Variants in AGK observed in about 807,000 individuals in gnomAD.
AGK encodes acylglycerol kinase, mitochondrial.
Under a neutral mutation model 66.4 loss-of-function variants are expected in AGK, and 52 were observed. That is an observed-to-expected ratio of 0.78 (90% CI 0.63 to 0.99). AGK has a LOEUF of 0.99. AGK is among the 50% of genes least tolerant of loss of function. The pLI is 0.00. For missense variants in AGK, 451 were observed against 506.6 expected (o/e 0.89, Z 1.05); for synonymous variants, 182 against 181.1 (o/e 1.00, Z -0.04).
intron 6 of AGK, 96 bp from the exon 7 acceptor site, chr7:141,614,050 G>A: frequency 3.5e-6 from 3 of 864,696 alleles, no homozygotes; most frequent in Non-Finnish European, 3.7e-6. Context: ...GAAGAAAACA[G>A]GAGTAAGTTT....
intron 9 of AGK, among the ~76,000 whole-genome samples, chr7:141,630,096 A>G (rs2116990718): frequency 6.6e-6 from 1 of 150,554 alleles, no homozygotes; most frequent in South Asian, 2.1e-4. Flanking sequence ...GGAATCTTCT[A>G]TCATCATCAT....
intron 9 of AGK, among the ~76,000 whole-genome samples, chr7:141,623,226 A>G (rs1005781099): frequency 2.6e-5 from 4 of 152,058 alleles, no homozygotes; most frequent in African/African-American, 9.7e-5. Context: ...CTAAAAATAC[A>G]AAATTAGCTG....
intron 10 of AGK, among the ~76,000 whole-genome samples, chr7:141,635,993 A>G (rs1012069979): frequency 1.3e-4 from 20 of 152,208 alleles, no homozygotes; most frequent in African/African-American, 4.8e-4. Context: ...GAGAGCAGTT[A>G]ATGTTGAGTG....
chr7:141,637,214 T>G (rs556883327), intron 11 of AGK, among the ~76,000 whole-genome samples, 197 bp downstream of exon 11: 2 of 152,280 alleles, frequency 1.3e-5, no homozygotes, highest in East Asian at 1.9e-4. Context: ...TATCTACCAA[T>G]TCATTCCCTC....
chr7:141,623,167 G>T (rs535500585), intron 9 of AGK, among the ~76,000 whole-genome samples: 3 of 152,080 alleles, frequency 2.0e-5, no homozygotes, highest in African/African-American at 7.2e-5. Context: ...ATCACTTGAC[G>T]TTGGGAGTTT....
At chr7:141,633,857 G>A in intron 9 of AGK, 44 bp from the exon 10 acceptor site, 1 of 1,529,790 alleles carries the variant, frequency 6.5e-7, no homozygotes, top group South Asian at 1.1e-5. Context: ...AGAGTTCTGA[G>A]TGATTATAGT....
At chr7:141,630,533 A>T (rs1797032183) in intron 9 of AGK, among the ~76,000 whole-genome samples, 2 of 152,032 alleles carry the variant, frequency 1.3e-5, no homozygotes, top group Admixed American at 6.5e-5. Flanking sequence ...GTGATTTATC[A>T]ATTAAAAATA....
chr7:141,652,064 G>T (rs1211667326), intron 15 of AGK, among the ~76,000 whole-genome samples: 1 of 152,028 alleles, frequency 6.6e-6, no homozygotes, highest in Non-Finnish European at 1.5e-5. Flanking sequence ...AATAACCTAT[G>T]TAAGTGAAAA....
intron 2 of AGK, among the ~76,000 whole-genome samples, chr7:141,560,795 CTTTTTTTTTT>C (rs71172604): frequency 1.6e-5 from 2 of 124,012 alleles, no homozygotes; most frequent in Non-Finnish European, 1.7e-5. Context: ...GCCATTCTTT[CTTTTTTTTTT>C]TTTTTTTTTG....
chr7:141,592,983 C>T (rs144119118), intron 2 of AGK, among the ~76,000 whole-genome samples, 163 bp from the exon 3 acceptor site: 41 of 152,094 alleles, frequency 2.7e-4, no homozygotes, highest in African/African-American at 9.2e-4. Flanking sequence ...GGATTACAGG[C>T]GTGAGCCACC....
chr7:141,645,040 AT>A (rs1389424877), intron 13 of AGK, among the ~76,000 whole-genome samples: 4 of 152,018 alleles, frequency 2.6e-5, no homozygotes, highest in African/African-American at 9.7e-5. Flanking sequence ...TTCTTAGCTC[AT>A]TTGAGTTCTA....
intron 2 of AGK, among the ~76,000 whole-genome samples, chr7:141,557,420 A>T (rs555530579): frequency 6.6e-6 from 1 of 152,368 alleles, no homozygotes; most frequent in East Asian, 1.9e-4. Context: ...TTCTAACTAC[A>T]CTTGAGTCCT....
intron 2 of AGK, among the ~76,000 whole-genome samples, chr7:141,562,609 C>T (rs1050024513): frequency 4.6e-5 from 7 of 152,080 alleles, no homozygotes; most frequent in African/African-American, 1.2e-4. Context: ...TCTCTTGTGC[C>T]GTATAGTTCA....
rs368433813 is a variant in AGK at position 141,611,177 on chromosome 7, G to C, written c.298-18G>C. ...CTCTAGGTTGATAAACTCACCAAAGGCTTCCTTGGTATTTCAGACAGATTA... is the reference window on the plus strand; with the variant it reads ...CTCTAGGTTGATAAACTCACCAAAGCCTTCCTTGGTATTTCAGACAGATTA... On this transcript the variant is annotated intron_variant, in intron 5 of 15. Transcript: ENST00000649286. The C allele has an allele frequency of 1.0e-4, 159 of 1,564,730 alleles. No individual in the cohort carries two copies. Among genetic ancestry groups the C allele is most frequent in the Non-Finnish European group, 1.3e-4 (147 of 1,137,676 alleles).
intron 1 of AGK, 82 bp downstream of exon 1, chr7:141,551,516 G>C (rs1186440311): frequency 6.5e-6 from 1 of 152,980 alleles, no homozygotes; most frequent in Non-Finnish European, 1.5e-5. Context: ...GTCGGGATGG[G>C]GGCCCGGGGC....
chr7:141,630,747 T>A (rs936425985), intron 9 of AGK, among the ~76,000 whole-genome samples: 2 of 152,124 alleles, frequency 1.3e-5, no homozygotes, highest in African/African-American at 4.8e-5. Context: ...GGGATTTAAT[T>A]TAGACAATTT....
intron 5 of AGK, among the ~76,000 whole-genome samples, chr7:141,606,356 G>T (rs1796460087): frequency 6.6e-6 from 1 of 152,168 alleles, no homozygotes; most frequent in Admixed American, 6.5e-5. Flanking sequence ...CAAGTCTCTT[G>T]TTCCATATAC....
In AGK at chr7:141,621,758, T is replaced by C. The variant is rs1406451293; in HGVS notation, c.545T>C (p.Ile182Thr). 1.9e-6 allele frequency: 3 copies of C among 1,613,484 alleles called. No individual in the cohort carries two copies. The highest frequency in any genetic ancestry group is 2.5e-6 in the Non-Finnish European group (3 of 1,179,678). The part of the protein sequence containing the change: ...VQHITDATLA[I>T]VKGETVPLDV... ...CATATTACTGATGCCACACTTGCCATTGTGAAAGGAGAGACAGTTCCACTT... is the reference window on the plus strand; with the variant it reads ...CATATTACTGATGCCACACTTGCCACTGTGAAAGGAGAGACAGTTCCACTT... The change falls in exon 9 of 16, where the codon ATT becomes ACT. Residue 182 changes from isoleucine (I) to threonine (T), a missense_variant. Coordinates refer to ENST00000649286, the MANE Select transcript of AGK (RefSeq NM_018238.4).
At chr7:141,606,810 C>A (rs1562971223) in intron 5 of AGK, among the ~76,000 whole-genome samples, 4 of 152,120 alleles carry the variant, frequency 2.6e-5, no homozygotes, top group African/African-American at 9.7e-5. Context: ...TCCTAAAAAT[C>A]CTCTCTGTTC....
Sources: gnomAD v4.1 joint callset for allele counts (sites outside exome capture counted in the v4.1 genomes callset) on GRCh38, gnomAD v4.1.1 for gene constraint, MANE v1.5 for transcripts, NCBI Gene and HGNC (gene_info 2026-07-23, HGNC 2026-07-21) for gene names.